NAA38: variants seen among roughly 807,000 people sequenced by gnomAD.
The protein encoded by NAA38 is LSM domain containing 1.
A neutral mutation model predicts 12.6 loss-of-function variants in NAA38; 15 were observed. The observed-to-expected ratio is 1.19, with a 90% CI of 0.79 to 1.83. The LOEUF (loss-of-function observed/expected upper bound fraction) is 1.83. Ranked by LOEUF, NAA38 falls within the 40% of genes most tolerant of loss-of-function variation. The pLI is 0.00. For missense variants in NAA38, 183 were observed against 171.7 expected (o/e 1.07, Z -0.37); for synonymous variants, 88 against 69.9 (o/e 1.26, Z -1.29).
At chr17:7,859,544 A>G (rs778198217), upstream of NAA38, 1 of 1,614,064 alleles carries the variant, frequency 6.2e-7, no homozygotes, top group South Asian at 1.1e-5. Context: ...TGACTATCTC[A>G]GTATGGACGG....
intron 2 of NAA38, among the ~76,000 whole-genome samples, chr17:7,875,996 A>G (rs1000406116): frequency 2.0e-5 from 3 of 152,210 alleles, no homozygotes; most frequent in African/African-American, 7.2e-5. Flanking sequence ...ACGGCTGAAT[A>G]ATATTCCATT....
intron 1 of NAA38, among the ~76,000 whole-genome samples, chr17:7,884,447 T>A (rs1246403127): frequency 1.2e-5 from 1 of 82,358 alleles, no homozygotes; most frequent in South Asian, 5.3e-4. Flanking sequence ...CGAAAACTTT[T>A]ATATATATAC....
intron 2 of NAA38, among the ~76,000 whole-genome samples, chr17:7,874,642 T>G (rs1013680354): frequency 1.3e-5 from 2 of 151,994 alleles, no homozygotes; most frequent in Non-Finnish European, 2.9e-5. Flanking sequence ...TCCCAGCACT[T>G]TGGGAGGCCA....
intron 2 of NAA38, among the ~76,000 whole-genome samples, chr17:7,875,864 G>A (rs567074959): frequency 6.6e-6 from 1 of 152,132 alleles, no homozygotes; most frequent in South Asian, 2.1e-4. Flanking sequence ...TGCCTATTCT[G>A]GACATTTCAT....
chr17:7,870,778 T>C (rs1188338756), intron 2 of NAA38, among the ~76,000 whole-genome samples: 1 of 151,422 alleles, frequency 6.6e-6, no homozygotes, highest in Non-Finnish European at 1.5e-5. Context: ...TCCCAGCTAC[T>C]CGGGAGGCTG....
At chr17:7,858,141 C>A (rs551997363), upstream of NAA38, 1 of 1,613,480 alleles carries the variant, frequency 6.2e-7, no homozygotes, top group South Asian at 1.1e-5. Flanking sequence ...AGCCATGCCG[C>A]GCCGGGGCCT....
chr17:7,859,694 C>T (rs1004682620), upstream of NAA38: 16 of 1,308,830 alleles, frequency 1.2e-5, no homozygotes, highest in South Asian at 2.5e-5. Context: ...GTGGTGGGGC[C>T]GAGGGGTGCC....
At chr17:7,859,063 C>G, upstream of NAA38, 1 of 571,250 alleles carries the variant, frequency 1.8e-6, no homozygotes, top group Non-Finnish European at 3.1e-6. Flanking sequence ...GTTCATGTAT[C>G]TTAGTGATGG....
chr17:7,873,263 A>G (rs8078725), intron 2 of NAA38, among the ~76,000 whole-genome samples: 45,321 of 152,100 alleles, frequency 0.3, 7,922 homozygotes, highest in East Asian at 0.83. Flanking sequence ...AGGGACTGAC[A>G]AGGAGGAGCC....
intron 2 of NAA38, among the ~76,000 whole-genome samples, chr17:7,879,169 A>G (rs1220155402): frequency 6.6e-6 from 1 of 152,196 alleles, no homozygotes; most frequent in African/African-American, 2.4e-5. Context: ...AAATACTATG[A>G]TTAGGTCTAG....
At chr17:7,871,561 A>C (rs1967086383) in intron 2 of NAA38, among the ~76,000 whole-genome samples, 1 of 152,142 alleles carries the variant, frequency 6.6e-6, no homozygotes, top group South Asian at 2.1e-4. Flanking sequence ...TCCTGCTGTA[A>C]TACAATACTG....
intron 2 of NAA38, among the ~76,000 whole-genome samples, chr17:7,876,444 C>T (rs903468199): frequency 1.3e-5 from 2 of 152,116 alleles, no homozygotes; most frequent in Non-Finnish European, 2.9e-5. Context: ...CTACTATAAC[C>T]TATCATGAAC....
At chr17:7,884,693 G>T (rs1967465651) in intron 1 of NAA38, 3 of 387,338 alleles carry the variant, frequency 7.7e-6, no homozygotes, top group Admixed American at 4.5e-5. Context: ...GGACGCCGCC[G>T]CCGAGGAGGA....
At chr17:7,856,935 C>T (rs1167451337) in intron 2 of NAA38, 80 bp downstream of exon 2, 5 of 1,589,302 alleles carry the variant, frequency 3.1e-6, no homozygotes, top group Non-Finnish European at 8.6e-7. Context: ...ACAAGGGTTG[C>T]AGCCAGGCCC....
At chr17:7,873,993 T>C (rs1406300911) in intron 2 of NAA38, among the ~76,000 whole-genome samples, 1 of 152,168 alleles carries the variant, frequency 6.6e-6, no homozygotes, top group Non-Finnish European at 1.5e-5. Flanking sequence ...GGTGTTTTCT[T>C]CAGCAGCCCT....
upstream of NAA38, chr17:7,863,010 C>T (rs2078893470): frequency 6.6e-6 from 1 of 151,978 alleles, no homozygotes; most frequent in Non-Finnish European, 1.5e-5. Context: ...TTTTTTCTCT[C>T]ACAAGCACAT....
At chr17:7,885,031 GCCGCCGCCGCCGCCGCCA>G in intron 1 of NAA38, 1 of 1,118,218 alleles carries the variant, frequency 8.9e-7, no homozygotes, top group Non-Finnish European at 1.1e-6. Context: ...TCTTCCCGCC[GCCGCCGCCGCCGCCGCCA>G]CCGCTGCCCC....
chr17:7,858,381 T>G (rs370222052), upstream of NAA38: 1 of 1,614,112 alleles, frequency 6.2e-7, no homozygotes, highest in South Asian at 1.1e-5. Flanking sequence ...GCATTGACAG[T>G]GGCTGTGCTG....
intron 1 of NAA38, among the ~76,000 whole-genome samples, chr17:7,884,209 G>C (rs1169445248): frequency 1.3e-5 from 2 of 151,360 alleles, no homozygotes; most frequent in Admixed American, 1.3e-4. Context: ...ACAGGGAGGA[G>C]AATGGGGGGG....
Sources: allele counts gnomAD v4.1 joint callset (sites outside exome capture counted in the v4.1 genomes callset), GRCh38; gene constraint gnomAD v4.1.1; transcripts MANE v1.5; gene names NCBI Gene and HGNC (gene_info 2026-07-23, HGNC 2026-07-21).